Variants in EXOC4 observed in about 807,000 individuals in gnomAD.
The protein encoded by EXOC4 is SEC8-like 1.
In EXOC4, 71 loss-of-function variants were observed where a neutral mutation model predicts 107.2. That is an observed-to-expected ratio of 0.66 (90% CI 0.55 to 0.81). EXOC4 has a LOEUF of 0.81. Ranked by LOEUF, EXOC4 falls within the 30% of genes least tolerant of loss-of-function variation. The pLI, the probability that EXOC4 is intolerant of heterozygous loss-of-function variation, is 0.00. For synonymous variants in EXOC4, 456 were observed against 441.2 expected (o/e 1.03, Z -0.42); for missense variants, 1,108 against 1,189.6 (o/e 0.93, Z 1.01).
intron 14 of EXOC4, among the ~76,000 whole-genome samples, chr7:133,940,175 G>A (rs1344552242): frequency 6.6e-6 from 1 of 152,158 alleles, no homozygotes; most frequent in Non-Finnish European, 1.5e-5. Flanking sequence ...GCTTCACAAA[G>A]CAAGATAGTA....
intron 12 of EXOC4, among the ~76,000 whole-genome samples, chr7:133,908,609 A>G (rs115389530): frequency 1.3e-5 from 2 of 152,204 alleles, no homozygotes; most frequent in African/African-American, 2.4e-5. Flanking sequence ...TATTTCGCCT[A>G]TCAAATGGAA....
chr7:133,620,826 G>A (rs544086390), intron 9 of EXOC4, among the ~76,000 whole-genome samples: 33 of 152,296 alleles, frequency 2.2e-4, no homozygotes, highest in Non-Finnish European at 4.1e-4. Context: ...ATCAGTTAAA[G>A]AGTGGAAAGA....
At chr7:133,936,701 C>G in intron 13 of EXOC4, among the ~76,000 whole-genome samples, 1 of 152,036 alleles carries the variant, frequency 6.6e-6, no homozygotes, top group East Asian at 1.9e-4. Flanking sequence ...GCTCTGTTGC[C>G]CAGGCTAGAG....
chr7:133,735,556 T>G (rs1448113664), intron 10 of EXOC4, among the ~76,000 whole-genome samples: 1 of 152,134 alleles, frequency 6.6e-6, no homozygotes, highest in Non-Finnish European at 1.5e-5. Context: ...GTCCTCCACT[T>G]TTTGCCATTT....
intron 10 of EXOC4, among the ~76,000 whole-genome samples, chr7:133,794,451 C>G (rs1158865114): frequency 6.6e-6 from 1 of 152,124 alleles, no homozygotes; most frequent in African/African-American, 2.4e-5. Flanking sequence ...GGAGAAGAAC[C>G]TTATTCTTCT....
At chr7:133,525,365 GAAT>G (rs1461725221) in intron 9 of EXOC4, among the ~76,000 whole-genome samples, 3 of 152,168 alleles carry the variant, frequency 2.0e-5, no homozygotes, top group Admixed American at 2.0e-4. Flanking sequence ...TTTCAAGTGA[GAAT>G]AATAAGCTAG....
At chr7:133,319,025 T>A (rs1795051227) in intron 5 of EXOC4, among the ~76,000 whole-genome samples, 1 of 152,224 alleles carries the variant, frequency 6.6e-6, no homozygotes, top group African/African-American at 2.4e-5. Flanking sequence ...GTACCTTTGA[T>A]ATGTATTTTA....
chr7:133,268,148 T>TA (rs1285926154), intron 1 of EXOC4, among the ~76,000 whole-genome samples: 1 of 152,230 alleles, frequency 6.6e-6, no homozygotes, highest in Admixed American at 6.5e-5. Context: ...CTTATTGTCT[T>TA]ACCTGTTTTA....
At chr7:133,926,214 C>T (rs191434765) in intron 13 of EXOC4, among the ~76,000 whole-genome samples, 44 of 152,262 alleles carry the variant, frequency 2.9e-4, no homozygotes, top group Middle Eastern at 3.4e-3. Flanking sequence ...AAGTAAATGA[C>T]TTCCCCAAGT....
At chr7:133,994,482 C>T (rs994777570) in intron 14 of EXOC4, among the ~76,000 whole-genome samples, 7 of 152,014 alleles carry the variant, frequency 4.6e-5, no homozygotes, top group African/African-American at 1.2e-4. Flanking sequence ...CAAACCTGCA[C>T]GTTCAGCACA....
chr7:133,954,832 A>G (rs759900014), intron 14 of EXOC4, among the ~76,000 whole-genome samples: 34 of 152,228 alleles, frequency 2.2e-4, no homozygotes, highest in Non-Finnish European at 3.4e-4. Flanking sequence ...AGCCAGATAC[A>G]CTGGCTGCAG....
chr7:133,408,531 TGAG>T (rs1470069631), intron 7 of EXOC4, among the ~76,000 whole-genome samples: 2 of 151,108 alleles, frequency 1.3e-5, no homozygotes, highest in African/African-American at 4.9e-5. Flanking sequence ...ATGATGGAGT[TGAG>T]GAGGGGGCGG....
chr7:133,884,883 A>G (rs1799047349), intron 11 of EXOC4, among the ~76,000 whole-genome samples: 1 of 152,224 alleles, frequency 6.6e-6, no homozygotes. Flanking sequence ...AAATGAGCAT[A>G]TTCAGTTATA....
intron 9 of EXOC4, among the ~76,000 whole-genome samples, chr7:133,580,242 G>A (rs751266184): frequency 7.9e-5 from 12 of 152,126 alleles, no homozygotes; most frequent in Admixed American, 2.6e-4. Context: ...CTTACATGGC[G>A]TGTACATTAT....
chr7:133,577,107 G>A (rs1364365), intron 9 of EXOC4, among the ~76,000 whole-genome samples: 151,557 of 152,288 alleles, frequency 1, 75,422 homozygotes, highest in East Asian at 1. Context: ...ATCTAAGAGT[G>A]AATTATAAAA....
At chr7:133,649,339 T>C (rs1803074116) in intron 10 of EXOC4, among the ~76,000 whole-genome samples, 3 of 152,122 alleles carry the variant, frequency 2.0e-5, no homozygotes, top group South Asian at 2.1e-4. Context: ...TTTCATCTAG[T>C]TTTCAATACA....
intron 9 of EXOC4, among the ~76,000 whole-genome samples, chr7:133,498,802 G>A (rs1024848600): frequency 7.2e-5 from 11 of 152,096 alleles, no homozygotes; most frequent in African/African-American, 2.4e-4. Flanking sequence ...GCATGATTTA[G>A]CCACCACTAC....
intron 2 of EXOC4, among the ~76,000 whole-genome samples, chr7:133,285,179 A>G (rs1019507769): frequency 1.3e-5 from 2 of 152,136 alleles, no homozygotes; most frequent in African/African-American, 4.8e-5. Flanking sequence ...CTACACTAAT[A>G]TGTACATCTA....
chr7:133,820,359 T>C (rs1797489836), intron 11 of EXOC4, among the ~76,000 whole-genome samples: 2 of 152,108 alleles, frequency 1.3e-5, no homozygotes. Context: ...TTATAGTGAT[T>C]GTAAATTGTT....
Sources: gnomAD v4.1 joint callset for allele counts (sites outside exome capture counted in the v4.1 genomes callset) on GRCh38, gnomAD v4.1.1 for gene constraint, MANE v1.5 for transcripts, NCBI Gene and HGNC (gene_info 2026-07-23, HGNC 2026-07-21) for gene names.